Variants in IP6K3 observed in about 807,000 individuals in gnomAD.
IP6K3 encodes ATP:1D-myo-inositol-hexakisphosphate phosphotransferase.
In IP6K3, 20 loss-of-function variants were observed where a neutral mutation model predicts 28.8. The observed-to-expected ratio is 0.70, with a 90% CI of 0.49 to 1.01. The LOEUF (loss-of-function observed/expected upper bound fraction) is 1.01. Among genes scored for constraint, IP6K3 ranks in the 50% least tolerant of loss-of-function variants. The pLI is 0.00. For synonymous variants in IP6K3, 213 were observed against 221.3 expected, an observed-to-expected ratio of 0.96 and a Z score of 0.33; for missense variants, 480 against 537.1, an observed-to-expected ratio of 0.89 and a Z score of 1.05.
upstream of IP6K3, among the ~76,000 whole-genome samples, chr6:33,748,507 C>A (rs917319642): frequency 3.4e-4 from 51 of 151,076 alleles, no homozygotes; most frequent in African/African-American, 1.2e-3. Context: ...GTGGCTCACA[C>A]CTGTAATCCT....
Position 33,736,577 on chromosome 6 carries a change from G to A in IP6K3, c.-179-922C>T, listed in dbSNP as rs142758298. On this transcript the variant is annotated intron_variant, in intron 1 of 5. Coordinates refer to ENST00000293756, the MANE Select transcript of IP6K3 (RefSeq NM_054111.5). ...CTGCCACCACATCCGGCTAATTTTT[G>A]TATTTTTTAGTAGAGACAGGGTTTC... 2.4e-3 allele frequency among the ~76,000 whole-genome samples: 363 copies of A among 152,124 alleles called. 2 individuals carry two copies. The highest frequency in any genetic ancestry group is 7.9e-3 in the African/African-American group (329 of 41,514).
At chr6:33,727,027 G>T in intron 3 of IP6K3, 121 bp from the exon 4 acceptor site, 1 of 1,081,692 alleles carries the variant, frequency 9.2e-7, no homozygotes, top group Non-Finnish European at 1.3e-6. Context: ...GCTCTCCAGG[G>T]CAGCCCTCAC....
upstream of IP6K3, among the ~76,000 whole-genome samples, chr6:33,749,116 C>G (rs975674937): frequency 8.5e-5 from 13 of 152,208 alleles, no homozygotes; most frequent in African/African-American, 3.1e-4. Context: ...CAGGGATGAG[C>G]AGGAGGCCCT....
Position 33,722,755 on chromosome 6 carries a change from T to A in IP6K3, c.1198A>T (p.Ile400Phe). 1 of 1,612,942 alleles carries A rather than the reference T, an allele frequency of 6.2e-7. No individual in the cohort carries two copies. The highest frequency in any genetic ancestry group is 1.1e-5 in the South Asian group (1 of 90,992). Residue 400 changes from isoleucine (I) to phenylalanine (F), a missense_variant, in exon 6 of 6, where the codon ATC becomes TTC. Ile to Phe is a conservative substitution (Grantham distance 21, BLOSUM62 0). Coordinates refer to ENST00000293756, the MANE Select transcript of IP6K3 (RefSeq NM_054111.5). ...TCTTGGATATCCTGCAGGATCCTGA[T>A]GAGGTTTTCCAGGCCAAAAATATAG... ...PGYIFGLENL[I>F]RILQDIQEGE
At chr6:33,730,646 T>C (rs1311645346) in intron 2 of IP6K3, among the ~76,000 whole-genome samples, 1 of 152,094 alleles carries the variant, frequency 6.6e-6, no homozygotes, top group Non-Finnish European at 1.5e-5. Flanking sequence ...CTGGGTGGCA[T>C]GTTGCTGCTT....
upstream of IP6K3, among the ~76,000 whole-genome samples, chr6:33,748,460 G>A (rs973233175): frequency 6.6e-6 from 1 of 151,934 alleles, no homozygotes; most frequent in Non-Finnish European, 1.5e-5. Context: ...CTCAGCAGAT[G>A]TGTTAGCGGC....
At chr6:33,761,335 T>C in the IP6K3 span, among the ~76,000 whole-genome samples, 1 of 152,110 alleles carries the variant, frequency 6.6e-6, no homozygotes, top group South Asian at 2.1e-4. Flanking sequence ...CTGCCTGCCC[T>C]GCTCTGATAC....
chr6:33,728,039 G>T (rs1318065400), intron 3 of IP6K3, 48 bp downstream of exon 3: 3 of 1,585,188 alleles, frequency 1.9e-6, no homozygotes, highest in Non-Finnish European at 2.6e-6. Context: ...AGCAGTGCCG[G>T]TCCCTGCCGA....
At position 33,742,167 on chromosome 6, in the gene IP6K3, C is replaced by T. The variant is rs1249146413; in HGVS notation, c.-180+4591G>A. Among the ~76,000 whole-genome samples, 1 of 152,148 alleles carries T rather than the reference C, an allele frequency of 6.6e-6. No homozygotes were observed. Among genetic ancestry groups the T allele is most frequent in the Non-Finnish European group, 1.5e-5 (1 of 68,030 alleles). On this transcript the variant is annotated intron_variant, in intron 1 of 5. Transcript: ENST00000293756. This position sits in a 1 kb window ranked among gnomAD's most constrained non-coding sequence, Gnocchi z 4.5. ...GGTCAGAATGGTTGCAGAGTTTTCC[C>T]GGGGTCCAGAGCTATCAGGCACCAA...
chr6:33,726,741 G>T lies in IP6K3; in HGVS notation c.579C>A (p.Asn193Lys). 1 of 1,593,922 alleles carries T rather than the reference G, an allele frequency of 6.3e-7. No homozygotes were observed. The highest frequency in any genetic ancestry group is 1.3e-5 in the African/African-American group (1 of 74,684). ...LTRLCSEYPENKRHRFLLLEN... is the reference protein window; with the variant it reads ...LTRLCSEYPEKKRHRFLLLEN... ...GGATGGCAAGGATACGATGCCGCTT[G>T]TTCTCTGGGTACTCGGAGCACAGGC... Residue 193 changes from asparagine to lysine, a missense_variant, in exon 4 of 6, where the codon AAC becomes AAA. Physicochemically the swap from Asn to Lys is moderately conservative, Grantham distance 94 (BLOSUM62 0). Transcript: ENST00000293756.
At chr6:33,748,530 G>A (rs1766971465), upstream of IP6K3, among the ~76,000 whole-genome samples, 1 of 151,286 alleles carries the variant, frequency 6.6e-6, no homozygotes, top group East Asian at 2.0e-4. Flanking sequence ...CATTTTGAGA[G>A]GCAGAGGCAG....
chr6:33,752,195 G>C, the IP6K3 span, among the ~76,000 whole-genome samples: 3 of 152,208 alleles, frequency 2.0e-5, no homozygotes, highest in Non-Finnish European at 2.9e-5. Flanking sequence ...ACTCCACCCC[G>C]TGTCTCCTTT....
chr6:33,752,028 A>T, the IP6K3 span, among the ~76,000 whole-genome samples: 1 of 152,198 alleles, frequency 6.6e-6, no homozygotes, highest in Non-Finnish European at 1.5e-5. Context: ...GGGAAAAGAT[A>T]TCCCTGCTGA....
the IP6K3 span, among the ~76,000 whole-genome samples, chr6:33,751,996 C>T: frequency 6.6e-6 from 1 of 152,250 alleles, no homozygotes; most frequent in Non-Finnish European, 1.5e-5. The surrounding 1 kb of genome is among the most constrained non-coding windows in gnomAD (Gnocchi z 4.3). Context: ...CCCCAGACCA[C>T]ACCACATCTG....
chr6:33,722,511 TTAGAGCA>T lies in IP6K3; in HGVS notation c.*202_*208del, dbSNP rs1765937635. 2 of 468,906 alleles carry T rather than the reference TTAGAGCA, an allele frequency of 4.3e-6. No homozygotes were observed. Among genetic ancestry groups the T allele is most frequent in the Non-Finnish European group, 7.6e-6 (2 of 264,724 alleles). 29.0% of individuals were successfully genotyped at this position (468,906 alleles called of 1,614,324 possible). ...GCTGTCTGTTCTCCGATGAGCAGCA[TTAGAGCA>T]TAATGCCAGGGGATGTGGAATCACC... is the stretch of plus-strand genomic sequence containing the variant. On this transcript the variant is annotated 3_prime_UTR_variant, in exon 6 of 6. Coordinates refer to ENST00000293756, the MANE Select transcript of IP6K3 (RefSeq NM_054111.5).
Position 33,722,487 on chromosome 6 carries a change from C to T in IP6K3, c.*233G>A. ...TCCAGAAGGTGCCACTTTATCCTGG[C>T]TGTCTGTTCTCCGATGAGCAGCATT... On this transcript the variant is annotated 3_prime_UTR_variant, in exon 6 of 6. Coordinates refer to ENST00000293756, the MANE Select transcript of IP6K3 (RefSeq NM_054111.5). 2.6e-6 allele frequency: 1 copy of T among 378,740 alleles called. No homozygotes were observed. The highest frequency in any genetic ancestry group is 4.7e-6 in the Non-Finnish European group (1 of 211,520). 23.5% of individuals were successfully genotyped at this position (378,740 alleles called of 1,614,324 possible). A position where few individuals can be genotyped will look rare whatever the true frequency, so the allele number is the denominator to read the frequency against.
chr6:33,728,138 C>T lies in IP6K3; in HGVS notation c.362G>A (p.Cys121Tyr). ...GGCATGCGGCCACTGGGCAAGGGTG[C>T]AGTCGCTGCCATTGCTGCCGGTGGT... Reference protein sequence around the residue: ...QQTTGSNGSDCTLAQWPHAQL... With the variant: ...QQTTGSNGSDYTLAQWPHAQL... Residue 121 changes from cysteine (C) to tyrosine (Y), a missense_variant, in exon 3 of 6, where the codon TGC (cysteine) becomes TAC (tyrosine). Cys to Tyr is a radical substitution (Grantham distance 194, BLOSUM62 -2). Coordinates refer to ENST00000293756, the MANE Select transcript of IP6K3 (RefSeq NM_054111.5). 1.9e-6 allele frequency: 3 copies of T among 1,610,370 alleles called. No homozygotes were observed. The highest frequency in any genetic ancestry group is 2.5e-6 in the Non-Finnish European group (3 of 1,179,976).
the IP6K3 span, among the ~76,000 whole-genome samples, chr6:33,759,228 T>C: frequency 6.6e-6 from 1 of 152,268 alleles, no homozygotes; most frequent in Non-Finnish European, 1.5e-5. Context: ...ACAGATGTTC[T>C]TTCTTCATAG....
chr6:33,722,685 A>C lies in IP6K3; in HGVS notation c.*35T>G. The C allele has an allele frequency of 6.9e-7, 1 of 1,445,190 alleles. No homozygotes were observed. Among genetic ancestry groups the C allele is most frequent in the Non-Finnish European group, 9.5e-7 (1 of 1,047,666 alleles). 89.5% of individuals were successfully genotyped at this position (1,445,190 alleles called of 1,614,324 possible). A position where few individuals can be genotyped will look rare whatever the true frequency, so the allele number is the denominator to read the frequency against. ...ACCAACAGGTCTCTATTTGAGATCT[A>C]TAGCCCAGAAGAATCCAGATAAGCC... On this transcript the variant is annotated 3_prime_UTR_variant, in exon 6 of 6. Transcript: ENST00000293756.
Sources: gnomAD v4.1 joint callset for allele counts (sites outside exome capture counted in the v4.1 genomes callset) on GRCh38, gnomAD v4.1.1 for gene constraint, Gnocchi (gnomAD v3.1) non-coding constraint, MANE v1.5 for transcripts, NCBI Gene and HGNC (gene_info 2026-07-23, HGNC 2026-07-21) for gene names.